Variants in PRCD observed in about 807,000 individuals in gnomAD.
The protein encoded by PRCD is photoreceptor disc component.
Under a neutral mutation model 10.1 loss-of-function variants are expected in PRCD, and 12 were observed. The ratio of observed to expected loss-of-function variants is 1.18; its 90% CI spans 0.76 to 1.92. The LOEUF is 1.92. Among genes scored for constraint, PRCD ranks in the 40% most tolerant of loss-of-function variants. The pLI, the probability that PRCD is intolerant of heterozygous loss-of-function variation, is 0.00. For synonymous variants in PRCD, 31 were observed against 26.2 expected (o/e 1.18, Z -0.56); for missense variants, 61 against 72.2 (o/e 0.84, Z 0.56).
intron 2 of PRCD, among the ~76,000 whole-genome samples, chr17:76,541,203 G>A (rs987665402): frequency 4.6e-5 from 7 of 152,272 alleles, no homozygotes; most frequent in African/African-American, 4.8e-5. Context: ...TGATAGGGGC[G>A]CCTATCCCAA....
At chr17:76,548,765 A>T (rs1454575245), downstream of PRCD, among the ~76,000 whole-genome samples, 3 of 152,378 alleles carry the variant, frequency 2.0e-5, no homozygotes, top group East Asian at 5.8e-4. Flanking sequence ...TGTGCCAGGC[A>T]CTGTGGATCC....
chr17:76,536,757 T>G (rs879398496), upstream of PRCD, among the ~76,000 whole-genome samples: 22 of 152,216 alleles, frequency 1.4e-4, no homozygotes, highest in Non-Finnish European at 2.9e-4. Flanking sequence ...CTTCTTCCCC[T>G]CACCCTCCAA....
At chr17:76,542,920 T>G in intron 3 of PRCD, 109 bp from the exon 4 acceptor site, 1 of 569,846 alleles carries the variant, frequency 1.8e-6, no homozygotes, top group Non-Finnish European at 3.4e-6. Context: ...GAGGGCAGTG[T>G]CGGAGGACGC....
Position 76,531,347 on chromosome 17 carries a change from A to G in PRCD, n.45+3514A>G. The G allele has an allele frequency of 7.3e-7, 1 of 1,368,386 alleles. No individual in the cohort carries two copies. The highest frequency in any genetic ancestry group is 2.3e-4 in the Middle Eastern group (1 of 4,280). 84.8% of individuals were successfully genotyped at this position (1,368,386 alleles called of 1,614,324 possible). ...GCCGGGCACTGCCCCTCCCTCTCGC[A>G]GCCACTCCGGGGATCACCTCTGTTG... is the stretch of plus-strand genomic sequence containing the variant. On this transcript the variant is annotated intron_variant and non_coding_transcript_variant, in intron 1 of 4. Coordinates refer to the PRCD transcript ENST00000397633. The surrounding 1 kb of genome is among the most constrained non-coding windows in gnomAD (Gnocchi z 7.4).
intron 1 of PRCD, among the ~76,000 whole-genome samples, chr17:76,532,960 C>G (rs978251036): frequency 2.0e-5 from 3 of 152,232 alleles, no homozygotes; most frequent in Non-Finnish European, 2.9e-5. Context: ...GTGGCCTGGA[C>G]CTGTTCTTCC....
Position 76,533,710 on chromosome 17 carries a change from G to A in PRCD, n.45+5877G>A, listed in dbSNP as rs143508747. ...TGCACTCCAGCCTGGGTGACAGAGT[G>A]AGACCCTGAATCCAAAGAAATAATG... On this transcript the variant is annotated intron_variant and non_coding_transcript_variant, in intron 1 of 4. Transcript: ENST00000397633. This position sits in a 1 kb window ranked among gnomAD's most constrained non-coding sequence, Gnocchi z 4.5. Among the ~76,000 whole-genome samples the A allele has an allele frequency of 2.9e-4, 44 of 151,422 alleles. No homozygotes were observed. Among genetic ancestry groups the A allele is most frequent in the African/African-American group, 9.7e-4 (40 of 41,218 alleles).
chr17:76,548,092 CAG>C (rs1188586310), downstream of PRCD, among the ~76,000 whole-genome samples: 10 of 151,608 alleles, frequency 6.6e-5, no homozygotes, highest in African/African-American at 1.5e-4. Context: ...ACAAATAAAA[CAG>C]ACACACAGAA....
upstream of PRCD, chr17:76,538,117 G>A (rs1351168084): frequency 6.5e-6 from 1 of 154,446 alleles, no homozygotes; most frequent in African/African-American, 2.4e-5. Flanking sequence ...TTCCCGCGGC[G>A]GGGAACTGAC....
chr17:76,547,678 GACACCCACATTC>G (rs2075065715), downstream of PRCD, among the ~76,000 whole-genome samples: 2 of 143,848 alleles, frequency 1.4e-5, no homozygotes, highest in Non-Finnish European at 3.0e-5. Context: ...CACACACAGA[GACACCCACATTC>G]ACACACACAG....
upstream of PRCD, chr17:76,537,566 C>T (rs552440785): frequency 1.5e-6 from 2 of 1,317,978 alleles, no homozygotes; most frequent in African/African-American, 1.5e-5. Flanking sequence ...CCCAGCCCGG[C>T]TTTGCTCGGC....
rs2074827999 is a variant in PRCD, at chr17:76,530,847, C to G, written n.45+3014C>G. On this transcript the variant is annotated intron_variant and non_coding_transcript_variant, in intron 1 of 4. Transcript: ENST00000397633. The surrounding 1 kb of genome is among the most constrained non-coding windows in gnomAD (Gnocchi z 6.1). ...TATGCCTGTTCTTACATGTCAGACC[C>G]CAGGGTTGGCCTGCCTCAAGTGTGC... is the stretch of plus-strand genomic sequence containing the variant. 3.0e-6 allele frequency: 3 copies of G among 1,002,208 alleles called. No homozygotes were observed. The East Asian group carries it at 8.0e-5, about 27-fold the overall frequency. 62.1% of individuals were successfully genotyped at this position (1,002,208 alleles called of 1,614,324 possible).
chr17:76,535,302 C>G (rs2074902863), upstream of PRCD, among the ~76,000 whole-genome samples: 7 of 152,152 alleles, frequency 4.6e-5, no homozygotes, highest in South Asian at 1.2e-3. Context: ...GGCCAGAGGG[C>G]TGCAGCTGGG....
chr17:76,542,703 TC>T, intron 3 of PRCD, 70 bp downstream of exon 3: 1 of 988,988 alleles, frequency 1.0e-6, no homozygotes, highest in East Asian at 2.5e-5. Flanking sequence ...AACAGGCAAG[TC>T]CCGGCCATGT....
rs904354786 is a variant in PRCD, at chr17:76,530,834, T to A, written n.45+3001T>A. The A allele has an allele frequency of 2.4e-6, 2 of 849,098 alleles. No individual in the cohort carries two copies. The highest frequency in any genetic ancestry group is 3.5e-6 in the Non-Finnish European group (2 of 566,846). The allele number at this position is 849,098 out of a possible 1,614,324, so 52.6% of individuals were successfully genotyped here. A position where few individuals can be genotyped will look rare whatever the true frequency, so the allele number is the denominator to read the frequency against. ...AGGCCTTTCCTATTATGCCTGTTCTTACATGTCAGACCCCAGGGTTGGCCT... is the reference window on the plus strand; with the variant it reads ...AGGCCTTTCCTATTATGCCTGTTCTAACATGTCAGACCCCAGGGTTGGCCT... On this transcript the variant is annotated intron_variant and non_coding_transcript_variant, in intron 1 of 4. Transcript: ENST00000397633. This position sits in a 1 kb window ranked among gnomAD's most constrained non-coding sequence, Gnocchi z 6.1.
At chr17:76,543,337 G>A (rs1195565901) in intron 4 of PRCD, 1 of 342,900 alleles carries the variant, frequency 2.9e-6, no homozygotes, top group East Asian at 7.6e-5. Flanking sequence ...GGTCCACCAG[G>A]CTAATTCTGG....
Position 76,531,678 on chromosome 17 carries a change from A to G in PRCD, n.45+3845A>G. The G allele has an allele frequency of 6.3e-7, 1 of 1,594,856 alleles. No individual in the cohort carries two copies. The highest frequency in any genetic ancestry group is 8.6e-7 in the Non-Finnish European group (1 of 1,164,388). On this transcript the variant is annotated intron_variant and non_coding_transcript_variant, in intron 1 of 4. Coordinates refer to the PRCD transcript ENST00000397633. The surrounding 1 kb of genome is among the most constrained non-coding windows in gnomAD (Gnocchi z 7.4). ...CTGAAGTACTGCTTGGCCGAGGGGA[A>G]GTTCACAAAGAACCTGGCAAGAGGA... is the stretch of plus-strand genomic sequence containing the variant.
At chr17:76,551,728 A>C (rs1209843983) in intron 1 of PRCD, 2 of 152,180 alleles carry the variant, frequency 1.3e-5, no homozygotes, top group African/African-American at 4.8e-5. Context: ...GGGTGAATTA[A>C]AGTCTCTGGA....
At chr17:76,542,833 TGA>T (rs1289777699) in intron 3 of PRCD, among the ~76,000 whole-genome samples, 194 bp from the exon 4 acceptor site, 1 of 152,128 alleles carries the variant, frequency 6.6e-6, no homozygotes, top group Non-Finnish European at 1.5e-5. Context: ...GGGGCAAGGA[TGA>T]GTTTGAAGAG....
Position 76,531,346 on chromosome 17 carries a change from C to G in PRCD, n.45+3513C>G, listed in dbSNP as rs1026609632. The stretch of plus-strand genomic sequence containing the variant: ...TGCCGGGCACTGCCCCTCCCTCTCG[C>G]AGCCACTCCGGGGATCACCTCTGTT... On this transcript the variant is annotated intron_variant and non_coding_transcript_variant, in intron 1 of 4. Coordinates refer to the PRCD transcript ENST00000397633. The surrounding 1 kb of genome is among the most constrained non-coding windows in gnomAD (Gnocchi z 7.4). 1 of 1,365,432 alleles carries G rather than the reference C, an allele frequency of 7.3e-7. No homozygotes were observed. The allele number at this position is 1,365,432 out of a possible 1,614,324, so 84.6% of individuals were successfully genotyped here. A position where few individuals can be genotyped will look rare whatever the true frequency, so the allele number is the denominator to read the frequency against.
Sources: gnomAD v4.1 joint callset for allele counts (sites outside exome capture counted in the v4.1 genomes callset) on GRCh38, gnomAD v4.1.1 for gene constraint, Gnocchi (gnomAD v3.1) non-coding constraint, MANE v1.5 for transcripts, NCBI Gene and HGNC (gene_info 2026-07-23, HGNC 2026-07-21) for gene names.